The following RBPMS2 variants were observed in gnomAD, a reference collection of about 807,000 sequenced individuals.
The protein encoded by RBPMS2 is RNA binding protein, mRNA processing factor 2.
Under a neutral mutation model 25.7 loss-of-function variants are expected in RBPMS2, and 14 were observed. The observed-to-expected ratio is 0.55, with a 90% confidence interval of 0.36 to 0.85. The LOEUF (loss-of-function observed/expected upper bound fraction) is 0.85. Among genes scored for constraint, RBPMS2 ranks in the 40% least tolerant of loss-of-function variants. The pLI, the probability that RBPMS2 is intolerant of heterozygous loss-of-function variation, is 0.01. For missense variants in RBPMS2, 252 were observed against 283.4 expected (o/e 0.89, Z 0.80); for synonymous variants, 127 against 115.6 (o/e 1.10, Z -0.63).
In RBPMS2 at chr15:64,772,330, T is replaced by C. The variant is rs1242876802; in HGVS notation, c.87+2903A>G. Among the ~76,000 whole-genome samples the C allele has an allele frequency of 5.3e-5, 8 of 152,280 alleles. No individual in the cohort carries two copies. In the East Asian group the frequency reaches 1.5e-3, roughly 29 times the overall value. ...GGACAGGTTCATGTACTGTATTACC[T>C]CATGTCGTCCCCAGCTCCAGTCAAG... is the stretch of plus-strand genomic sequence containing the variant. On this transcript the variant is annotated intron_variant, in intron 1 of 7. Coordinates refer to ENST00000300069, the MANE Select transcript of RBPMS2 (RefSeq NM_194272.3).
chr15:64,746,148 A>G (rs1409594330), intron 6 of RBPMS2, among the ~76,000 whole-genome samples: 1 of 152,130 alleles, frequency 6.6e-6, no homozygotes, highest in African/African-American at 2.4e-5. Context: ...CTGTTTTACT[A>G]TTGAGGAAAG....
intron 1 of RBPMS2, among the ~76,000 whole-genome samples, chr15:64,754,968 C>A (rs988526961): frequency 1.3e-4 from 20 of 152,156 alleles, no homozygotes; most frequent in African/African-American, 4.8e-4. Context: ...GGGTCAAAGA[C>A]CCAGACCAGA....
At chr15:64,760,019 T>C (rs924745785) in intron 1 of RBPMS2, among the ~76,000 whole-genome samples, 1 of 152,208 alleles carries the variant, frequency 6.6e-6, no homozygotes, top group Non-Finnish European at 1.5e-5. Context: ...CTCTTGGCCC[T>C]GGACACTGCC....
At chr15:64,762,390 C>CAGCCCAGACCACAG (rs1305596622) in intron 1 of RBPMS2, 2 of 534,516 alleles carry the variant, frequency 3.7e-6, no homozygotes, top group African/African-American at 1.9e-5. Flanking sequence ...CCATCCCTAC[C>CAGCCCAGACCACAG]AGCCCAGACC....
chr15:64,753,257 GC>G (rs2083699721), intron 1 of RBPMS2, among the ~76,000 whole-genome samples: 1 of 152,134 alleles, frequency 6.6e-6, no homozygotes, highest in Non-Finnish European at 1.5e-5. Flanking sequence ...AAGTTCACAT[GC>G]CTCACCCCAT....
chr15:64,748,090 C>A (rs1439895907), intron 6 of RBPMS2, among the ~76,000 whole-genome samples: 1 of 152,158 alleles, frequency 6.6e-6, no homozygotes, highest in Non-Finnish European at 1.5e-5. Context: ...ACTCCAGAGA[C>A]CATACCCAGG....
At chr15:64,766,662 A>G (rs1324075763) in intron 1 of RBPMS2, among the ~76,000 whole-genome samples, 1 of 151,724 alleles carries the variant, frequency 6.6e-6, no homozygotes, top group African/African-American at 2.4e-5. Context: ...AGTAGCTGGG[A>G]CTACAGGCGC....
chr15:64,768,833 G>A (rs565938201), intron 1 of RBPMS2, among the ~76,000 whole-genome samples: 53 of 149,856 alleles, frequency 3.5e-4, no homozygotes, highest in African/African-American at 1.3e-3. Context: ...GGGCGCCGTG[G>A]CTCATGTCTG....
intron 1 of RBPMS2, among the ~76,000 whole-genome samples, chr15:64,754,114 C>G (rs1249027370): frequency 6.6e-6 from 1 of 152,056 alleles, no homozygotes; most frequent in Non-Finnish European, 1.5e-5. Context: ...AGTTTGAGAC[C>G]AGCCTGGCCG....
chr15:64,743,608 G>A (rs995299553), intron 6 of RBPMS2, among the ~76,000 whole-genome samples: 2 of 149,822 alleles, frequency 1.3e-5, no homozygotes, highest in Admixed American at 1.3e-4. Flanking sequence ...CAGGGCACCC[G>A]CAGTGTCCTT....
chr15:64,765,847 G>T (rs1328691177), intron 1 of RBPMS2, among the ~76,000 whole-genome samples: 1 of 152,066 alleles, frequency 6.6e-6, no homozygotes, highest in Non-Finnish European at 1.5e-5. Flanking sequence ...TAAAAAATTA[G>T]CTGGGCATGG....
intron 1 of RBPMS2, among the ~76,000 whole-genome samples, chr15:64,764,255 C>T (rs1017952065): frequency 2.0e-5 from 3 of 152,308 alleles, no homozygotes; most frequent in Non-Finnish European, 4.4e-5. Flanking sequence ...GCAAGGGTTG[C>T]AGTTGCCGCC....
chr15:64,761,199 T>C (rs1375840928), intron 1 of RBPMS2: 1 of 152,024 alleles, frequency 6.6e-6, no homozygotes, highest in Non-Finnish European at 1.5e-5. Context: ...GCTCTCCCGG[T>C]GTCATCCCGA....
chr15:64,761,696 C>CTTTTTTT (rs71133473), intron 1 of RBPMS2, among the ~76,000 whole-genome samples: 20 of 86,688 alleles, frequency 2.3e-4, no homozygotes, highest in Non-Finnish European at 3.0e-4. Flanking sequence ...CAAAGCCCAG[C>CTTTTTTT]TTTTTTTTTT....
At chr15:64,749,929 C>T (rs1771595541) in intron 3 of RBPMS2, among the ~76,000 whole-genome samples, 1 of 152,156 alleles carries the variant, frequency 6.6e-6, no homozygotes, top group African/African-American at 2.4e-5. Context: ...ACTTCATTTT[C>T]CCAAGGATCA....
At chr15:64,762,788 T>G (rs2083802334) in intron 1 of RBPMS2, among the ~76,000 whole-genome samples, 1 of 152,152 alleles carries the variant, frequency 6.6e-6, no homozygotes, top group African/African-American at 2.4e-5. Context: ...GGCAGTAGAA[T>G]GCGACTGAGT....
intron 6 of RBPMS2, among the ~76,000 whole-genome samples, chr15:64,742,366 T>C (rs1201571551): frequency 6.6e-6 from 1 of 152,128 alleles, no homozygotes; most frequent in African/African-American, 2.4e-5. Flanking sequence ...TAACGTCAGG[T>C]GGGCGGCAGC....
intron 1 of RBPMS2, among the ~76,000 whole-genome samples, chr15:64,752,236 C>T (rs951721): frequency 0.048 from 7,322 of 152,062 alleles, 227 homozygotes; most frequent in South Asian, 0.088. Context: ...TTTTTTTAAT[C>T]CATTGCACCA....
At position 64,775,364 on chromosome 15, in the gene RBPMS2, G is replaced by C. The variant is rs2083923718; in HGVS notation, c.-45C>G. 6.9e-6 allele frequency: 8 copies of C among 1,152,362 alleles called. No homozygotes were observed. The East Asian group carries it at 2.8e-4, about 40-fold the overall frequency. 71.4% of individuals were successfully genotyped at this position (1,152,362 alleles called of 1,614,324 possible). ...CGGGAAGGAACGCGAGGGCGAGCGC[G>C]GCGCCGGCCCCGCGGGAAGTGGGAA... On this transcript the variant is annotated 5_prime_UTR_variant, in exon 1 of 8. Transcript: ENST00000300069.
Sources: allele counts gnomAD v4.1 joint callset (sites outside exome capture counted in the v4.1 genomes callset), GRCh38; gene constraint gnomAD v4.1.1; transcripts MANE v1.5; gene names NCBI Gene and HGNC (gene_info 2026-07-23, HGNC 2026-07-21).